HMGN3: variants seen among roughly 807,000 people sequenced by gnomAD.
HMGN3 encodes the protein high mobility group nucleosomal binding domain 3, also known as high mobility group nucleosome-binding domain-containing protein 3.
A neutral mutation model predicts 18.8 loss-of-function variants in HMGN3; 6 were observed. The ratio of observed to expected loss-of-function variants is 0.32; its 90% CI spans 0.18 to 0.63. HMGN3 has a LOEUF of 0.63. Among genes scored for constraint, HMGN3 ranks in the 30% least tolerant of loss-of-function variants. The pLI is 0.79. For missense variants in HMGN3, 107 were observed against 114.2 expected, an observed-to-expected ratio of 0.94 and a Z score of 0.29; for synonymous variants, 40 against 36.5, an observed-to-expected ratio of 1.10 and a Z score of -0.35.
At chr6:79,225,099 G>A (rs749245511) in intron 1 of HMGN3, among the ~76,000 whole-genome samples, 9 of 152,238 alleles carry the variant, frequency 5.9e-5, no homozygotes, top group East Asian at 5.8e-4. Context: ...TGATAACTTC[G>A]TCTTTGGTAC....
chr6:79,229,694 G>A (rs1777742180), intron 1 of HMGN3, among the ~76,000 whole-genome samples: 1 of 152,116 alleles, frequency 6.6e-6, no homozygotes, highest in South Asian at 2.1e-4. Context: ...TGGCTAACAC[G>A]GTGAAACCCC....
exon 4 of HMGN3, chr6:79,203,580 C>T (rs1353562072): frequency 6.2e-7 from 1 of 1,612,704 alleles, no homozygotes; most frequent in Admixed American, 1.7e-5. Flanking sequence ...CACTTCTTAC[C>T]TTAGCAGATG....
At chr6:79,233,282 A>G (rs545992460) in intron 1 of HMGN3, among the ~76,000 whole-genome samples, 2 of 152,294 alleles carry the variant, frequency 1.3e-5, no homozygotes, top group African/African-American at 4.8e-5. Context: ...TGCACAACAA[A>G]CTCTAAGACT....
At chr6:79,202,529 A>G (rs1776198838) in intron 4 of HMGN3, 140 bp from the exon 5 acceptor site, 4 of 696,502 alleles carry the variant, frequency 5.7e-6, no homozygotes, top group Non-Finnish European at 1.0e-5. Context: ...ACGGGAGCCT[A>G]ATTTTGCTGG....
intron 4 of HMGN3, among the ~76,000 whole-genome samples, chr6:79,203,351 A>C (rs576102327): frequency 6.6e-6 from 1 of 152,244 alleles, no homozygotes; most frequent in South Asian, 2.1e-4. Context: ...TTCGGACATG[A>C]GGCTTCTCAG....
chr6:79,201,932 GC>G (rs749253122), intron 5 of HMGN3, 130 bp downstream of exon 6: 37 of 1,440,818 alleles, frequency 2.6e-5, no homozygotes, highest in Non-Finnish European at 3.3e-5. Flanking sequence ...ATTGCTTTCT[GC>G]TTTTCAAACC....
intron 2 of HMGN3, among the ~76,000 whole-genome samples, chr6:79,208,982 T>G (rs1179342841): frequency 6.6e-6 from 1 of 152,204 alleles, no homozygotes; most frequent in Non-Finnish European, 1.5e-5. Flanking sequence ...CTAAAGCTTT[T>G]AAGTTAATAC....
At chr6:79,227,998 T>A (rs1289400056) in intron 1 of HMGN3, among the ~76,000 whole-genome samples, 3 of 152,156 alleles carry the variant, frequency 2.0e-5, no homozygotes, top group African/African-American at 7.2e-5. Flanking sequence ...TTGTGCTGAT[T>A]TAGAAACATG....
chr6:79,205,393 G>A (rs1179107559), intron 3 of HMGN3, among the ~76,000 whole-genome samples: 1 of 152,178 alleles, frequency 6.6e-6, no homozygotes, highest in Non-Finnish European at 1.5e-5. Context: ...TTCCTGCACT[G>A]TTCTCATGAT....
chr6:79,206,891 G>A (rs1196363016), intron 3 of HMGN3, among the ~76,000 whole-genome samples: 3 of 152,238 alleles, frequency 2.0e-5, no homozygotes, highest in Non-Finnish European at 1.5e-5. Flanking sequence ...GCATCAGCGT[G>A]ACCTGGATGC....
chr6:79,231,332 C>CA (rs1777827747), intron 1 of HMGN3, among the ~76,000 whole-genome samples: 1 of 152,172 alleles, frequency 6.6e-6, no homozygotes, highest in Non-Finnish European at 1.5e-5. Context: ...GTCTAGAACT[C>CA]AATCACTCAT....
chr6:79,223,738 C>T (rs1777419736), intron 1 of HMGN3, among the ~76,000 whole-genome samples: 1 of 48,260 alleles, frequency 2.1e-5, no homozygotes, highest in African/African-American at 3.4e-5. Flanking sequence ...ACTAGAGTTA[C>T]CTTTTTTTTT....
At chr6:79,217,506 C>T (rs978609897) in intron 1 of HMGN3, among the ~76,000 whole-genome samples, 13 of 152,198 alleles carry the variant, frequency 8.5e-5, no homozygotes, top group Non-Finnish European at 1.5e-5. Context: ...TAAATTGTTA[C>T]ACAGAGGTTA....
At chr6:79,208,720 T>C in intron 2 of HMGN3, 144 bp from the exon 3 acceptor site, 1 of 731,392 alleles carries the variant, frequency 1.4e-6, no homozygotes, top group Non-Finnish European at 2.5e-6. Context: ...GTAAGCACAG[T>C]GAAACATATC....
At chr6:79,233,699 A>C (rs1034317045) in intron 1 of HMGN3, 1 of 152,266 alleles carries the variant, frequency 6.6e-6, no homozygotes, top group South Asian at 2.1e-4. Context: ...GGGCCTGCGC[A>C]GAAGAGGACA....
In HMGN3 at chr6:79,201,741, G is replaced by C. The variant is rs779804073; in HGVS notation, c.262-15C>G. 1 of 1,589,876 alleles carries C rather than the reference G, an allele frequency of 6.3e-7. No homozygotes were observed. Among genetic ancestry groups the C allele is most frequent in the Admixed American group, 1.8e-5 (1 of 56,880 alleles). On this transcript the variant is annotated splice_polypyrimidine_tract_variant and intron_variant, in intron 5 of 5. Coordinates refer to ENST00000344726, the Ensembl canonical transcript of HMGN3. ...GTTTTCTGTGCCTGTGAAAAAGAAA[G>C]GAAAAAAAAACATATAGTTACTACT...
intron 1 of HMGN3, among the ~76,000 whole-genome samples, chr6:79,216,445 T>C (rs189457633): frequency 1.3e-3 from 196 of 152,298 alleles, no homozygotes; most frequent in Non-Finnish European, 2.4e-3. Flanking sequence ...CCTAAGTATA[T>C]ATAAAAGTCT....
At chr6:79,224,955 T>A (rs1047730362) in intron 1 of HMGN3, among the ~76,000 whole-genome samples, 8 of 152,204 alleles carry the variant, frequency 5.3e-5, no homozygotes, top group African/African-American at 1.9e-4. Flanking sequence ...TATGGTTGCT[T>A]AGGACAAATA....
chr6:79,223,278 G>A (rs536936129), intron 1 of HMGN3, among the ~76,000 whole-genome samples: 4 of 152,268 alleles, frequency 2.6e-5, no homozygotes, highest in South Asian at 2.1e-4. Context: ...TTGGGAGGTC[G>A]AGGCAGGCGG....
Sources: gnomAD v4.1 joint callset for allele counts (sites outside exome capture counted in the v4.1 genomes callset) on GRCh38, gnomAD v4.1.1 for gene constraint, MANE v1.5 for transcripts, NCBI Gene and HGNC (gene_info 2026-07-23, HGNC 2026-07-21) for gene names.